BMF: variants seen among roughly 807,000 people sequenced by gnomAD.
BMF encodes the protein bcl-2-modifying factor.
Under a neutral mutation model 22.0 loss-of-function variants are expected in BMF, and 10 were observed. The observed-to-expected ratio is 0.45, with a 90% CI of 0.28 to 0.77. The LOEUF (loss-of-function observed/expected upper bound fraction) is 0.77, where lower values mean the gene tolerates loss of function less well. BMF is among the 30% of genes least tolerant of loss of function. The pLI, the probability that BMF is intolerant of heterozygous loss-of-function variation, is 0.13. For missense variants in BMF, 206 were observed against 226.8 expected (o/e 0.91, Z 0.59); for synonymous variants, 87 against 88.1 (o/e 0.99, Z 0.07).
At position 40,093,386 on chromosome 15, in the gene BMF, C is replaced by T. The variant is rs140979842; in HGVS notation, c.454-1498G>A. On this transcript the variant is annotated intron_variant, in intron 4 of 4. Transcript: ENST00000354670. ...TGCCCGGAGGGGAAGGGAAATCGGG[C>T]GTGCCACAGAAGAGGCCTGGCAGAC... Among the ~76,000 whole-genome samples the T allele has an allele frequency of 1.6e-3, 247 of 152,306 alleles. 2 individuals carry two copies. The highest frequency in any genetic ancestry group is 5.7e-3 in the African/African-American group (235 of 41,566).
intron 4 of BMF, among the ~76,000 whole-genome samples, chr15:40,103,784 AG>A (rs975335250): frequency 1.4e-4 from 22 of 152,150 alleles, no homozygotes; most frequent in African/African-American, 5.3e-4. Context: ...TACCTTAGCC[AG>A]GCACCCCCCA....
At position 40,106,456 on chromosome 15, in the gene BMF, AGACTAGCCTCT is replaced by A. The variant is rs1174094757; in HGVS notation, c.-5-376_-5-366del. ...CAGGGTACCTGGGAAAATATAAACA[AGACTAGCCTCT>A]GTAAGTTGCTGTCAAGGGTGCTGTG... On this transcript the variant is annotated intron_variant, in intron 2 of 4. Coordinates refer to ENST00000354670, the MANE Select transcript of BMF (RefSeq NM_001003940.2). The surrounding 1 kb of genome is among the most constrained non-coding windows in gnomAD (Gnocchi z 4.1). 8 of 193,848 alleles carry A rather than the reference AGACTAGCCTCT, an allele frequency of 4.1e-5. No individual in the cohort carries two copies. The Admixed American group carries it at 4.6e-4, about 11-fold the overall frequency. 12.0% of individuals were successfully genotyped at this position (193,848 alleles called of 1,614,324 possible).
chr15:40,097,034 G>A (rs1567032686), intron 4 of BMF, among the ~76,000 whole-genome samples: 1 of 152,128 alleles, frequency 6.6e-6, no homozygotes, highest in Non-Finnish European at 1.5e-5. Context: ...ACCTACTCAG[G>A]CCAAGGCTGA....
chr15:40,108,103 GC>G, intron 2 of BMF, 155 bp downstream of exon 2: 1 of 152,642 alleles, frequency 6.6e-6, no homozygotes, highest in Non-Finnish European at 1.5e-5. Context: ...AGGAACTCAA[GC>G]CCCGCTGCAG....
At chr15:40,098,983 G>A (rs1364621718) in intron 4 of BMF, among the ~76,000 whole-genome samples, 5 of 152,176 alleles carry the variant, frequency 3.3e-5, no homozygotes, top group Non-Finnish European at 4.4e-5. Context: ...CCCCAGCCCC[G>A]GCGCTGGCTC....
At position 40,089,213 on chromosome 15, in the gene BMF, G is replaced by C. The variant is rs901899833; in HGVS notation, c.*2574C>G. On this transcript the variant is annotated 3_prime_UTR_variant, in exon 5 of 5. Coordinates refer to ENST00000354670, the MANE Select transcript of BMF (RefSeq NM_001003940.2). ...GATGGAGTCTGAGGGGGTGGAGGTCGGGGGGGAGGGGCAGGTCTCCTGAGG... is the reference window on the plus strand; with the variant it reads ...GATGGAGTCTGAGGGGGTGGAGGTCCGGGGGGAGGGGCAGGTCTCCTGAGG... The C allele has an allele frequency of 2.0e-5, 3 of 150,864 alleles. No individual in the cohort carries two copies. The highest frequency in any genetic ancestry group is 7.3e-5 in the African/African-American group (3 of 41,280). 9.3% of individuals were successfully genotyped at this position (150,864 alleles called of 1,614,324 possible). A position where few individuals can be genotyped will look rare whatever the true frequency, so the allele number is the denominator to read the frequency against.
intron 4 of BMF, among the ~76,000 whole-genome samples, chr15:40,095,751 C>T (rs1426350905): frequency 1.3e-5 from 2 of 152,166 alleles, no homozygotes; most frequent in African/African-American, 2.4e-5. Context: ...GAGGTGAATG[C>T]CCCCAGGGAA....
At chr15:40,104,140 C>T in intron 4 of BMF, 40 bp downstream of exon 4, 1 of 1,610,554 alleles carries the variant, frequency 6.2e-7, no homozygotes, top group Non-Finnish European at 8.5e-7. Flanking sequence ...CCCCAAGCCC[C>T]AGCAGACTCA....
At chr15:40,104,004 G>T (rs2036532873) in intron 4 of BMF, among the ~76,000 whole-genome samples, 176 bp downstream of exon 4, 1 of 152,206 alleles carries the variant, frequency 6.6e-6, no homozygotes, top group Admixed American at 6.5e-5. Context: ...AGAGATGAGG[G>T]CAAGATGCTT....
Position 40,105,777 on chromosome 15 carries a change from G to C in BMF, c.292+18C>G. On this transcript the variant is annotated intron_variant, in intron 3 of 4. Coordinates refer to ENST00000354670, the MANE Select transcript of BMF (RefSeq NM_001003940.2). Reference sequence around the variant, plus strand: ...CCCCAGTCTCTATGGGAGGAGTCTTGAGGCTGAGAGCACTCACCATAAAAG... The same window carrying C: ...CCCCAGTCTCTATGGGAGGAGTCTTCAGGCTGAGAGCACTCACCATAAAAG... 1 of 1,576,726 alleles carries C rather than the reference G, an allele frequency of 6.3e-7. No individual in the cohort carries two copies. The highest frequency in any genetic ancestry group is 1.8e-5 in the Admixed American group (1 of 56,562).
intron 4 of BMF, among the ~76,000 whole-genome samples, chr15:40,096,175 T>C (rs1427649719): frequency 6.7e-6 from 1 of 150,120 alleles, no homozygotes; most frequent in African/African-American, 2.5e-5. Context: ...TTTTTTTTTT[T>C]TTCTCTAAAG....
At chr15:40,101,743 T>A (rs1163050181) in intron 4 of BMF, among the ~76,000 whole-genome samples, 1 of 152,160 alleles carries the variant, frequency 6.6e-6, no homozygotes, top group Non-Finnish European at 1.5e-5. Context: ...CAGGATGAGT[T>A]CCTGGTGAAG....
Position 40,098,064 on chromosome 15 carries a change from G to GA in BMF, c.453+6115dup, listed in dbSNP as rs943978114. 6.2e-4 allele frequency among the ~76,000 whole-genome samples: 94 copies of GA among 151,910 alleles called. 2 individuals are homozygous for GA. Among genetic ancestry groups the GA allele is most frequent in the South Asian group, 4.6e-3 (22 of 4,810 alleles). On this transcript the variant is annotated intron_variant, in intron 4 of 4. Coordinates refer to ENST00000354670, the MANE Select transcript of BMF (RefSeq NM_001003940.2). The stretch of plus-strand genomic sequence containing the variant: ...CGAGCAACGTGGCAAAACGGAAAAG[G>GA]AAAAAAAAGACTCCTTGCCAAGAGC...
chr15:40,091,797 C>G lies in BMF; in HGVS notation c.545G>C (p.Gly182Ala). ...LNGEENRNGA[G>A]PR ...GAGGGCAGCCCACCCTCACCTAGGG[C>G]CTGCCCCGTTCCTGTTCTCTTCTCC... The change falls in exon 5 of 5, where the codon GGC becomes GCC. Residue 182 changes from glycine (G) to alanine (A), a missense_variant. Transcript: ENST00000354670. 2 of 1,606,826 alleles carry G rather than the reference C, an allele frequency of 1.2e-6. No homozygotes were observed. The highest frequency in any genetic ancestry group is 4.5e-5 in the East Asian group (2 of 44,694).
At chr15:40,094,876 G>A (rs796207790) in intron 4 of BMF, among the ~76,000 whole-genome samples, 2 of 152,234 alleles carry the variant, frequency 1.3e-5, no homozygotes, top group African/African-American at 4.8e-5. Flanking sequence ...AACACTTCAC[G>A]TGTTGGTGTT....
intron 4 of BMF, among the ~76,000 whole-genome samples, chr15:40,102,416 C>CAAAAAAAAAAAA (rs71132141): frequency 1.0e-5 from 1 of 95,838 alleles, no homozygotes; most frequent in Non-Finnish European, 1.9e-5. Flanking sequence ...GCGAAAGAGC[C>CAAAAAAAAAAAA]AAAAAAAAAA....
chr15:40,100,712 C>T (rs1567034047), intron 4 of BMF, among the ~76,000 whole-genome samples: 1 of 152,196 alleles, frequency 6.6e-6, no homozygotes, highest in East Asian at 1.9e-4. Context: ...GCTGAAAGTG[C>T]AGATGGCCCA....
Position 40,091,811 on chromosome 15 carries a change from G to A in BMF, c.531C>T (p.Asn177=), listed in dbSNP as rs1283472591. 1 of 1,609,514 alleles carries A rather than the reference G, an allele frequency of 6.2e-7. No homozygotes were observed. The highest frequency in any genetic ancestry group is 8.5e-7 in the Non-Finnish European group (1 of 1,178,410). ...LHNLALNGEE[N]RNGAGPR ...CTCACCTAGGGCCTGCCCCGTTCCT[G>A]TTCTCTTCTCCATTCAAAGCAAGGT... The change falls in exon 5 of 5, where the codon AAC becomes AAT. Residue 177 remains asparagine (N), a synonymous_variant. Coordinates refer to ENST00000354670, the MANE Select transcript of BMF (RefSeq NM_001003940.2).
intron 4 of BMF, among the ~76,000 whole-genome samples, chr15:40,099,188 C>A (rs1455456563): frequency 6.6e-6 from 1 of 152,170 alleles, no homozygotes; most frequent in Non-Finnish European, 1.5e-5. Flanking sequence ...GCTTAAGTTC[C>A]AGAAAACCAC....
Sources: gnomAD v4.1 joint callset for allele counts (sites outside exome capture counted in the v4.1 genomes callset) on GRCh38, gnomAD v4.1.1 for gene constraint, Gnocchi (gnomAD v3.1) non-coding constraint, MANE v1.5 for transcripts, NCBI Gene and HGNC (gene_info 2026-07-23, HGNC 2026-07-21) for gene names.